Variants in ADAMTSL1 observed in about 807,000 individuals in gnomAD.
The protein encoded by ADAMTSL1 is ADAMTS-like protein 1.
ADAMTSL1 carries 126 observed loss-of-function variants against 201.8 expected under a neutral mutation model. That is an observed-to-expected ratio of 0.62 (90% confidence interval 0.54 to 0.72). The LOEUF (loss-of-function observed/expected upper bound fraction) is 0.72, where lower values mean the gene tolerates loss of function less well. ADAMTSL1 is among the 30% of genes least tolerant of loss of function. The pLI is 0.00. For missense variants in ADAMTSL1, 2,679 were observed against 2,277.8 expected, an observed-to-expected ratio of 1.18 and a Z score of -3.59; for synonymous variants, 1,121 against 903.4, an observed-to-expected ratio of 1.24 and a Z score of -4.32.
intron 2 of ADAMTSL1, among the ~76,000 whole-genome samples, chr9:18,435,732 A>G (rs866424842): frequency 6.0e-4 from 91 of 152,334 alleles, no homozygotes; most frequent in African/African-American, 2.1e-3. Context: ...ATCATGGCGG[A>G]TGGCAAGGAG....
At chr9:18,486,593 T>C (rs929324484) in intron 1 of ADAMTSL1, among the ~76,000 whole-genome samples, 3 of 152,104 alleles carry the variant, frequency 2.0e-5, no homozygotes, top group African/African-American at 7.2e-5. Context: ...TAGTCCTAGC[T>C]ACTCAGGAGG....
intron 4 of ADAMTSL1, among the ~76,000 whole-genome samples, chr9:18,593,904 T>A (rs1824086641): frequency 6.6e-6 from 1 of 152,172 alleles, no homozygotes; most frequent in Non-Finnish European, 1.5e-5. Context: ...TGAAATGTTC[T>A]ATAAATATCT....
chr9:18,353,464 G>A (rs993499638), intron 2 of ADAMTSL1, among the ~76,000 whole-genome samples: 1 of 152,158 alleles, frequency 6.6e-6, no homozygotes, highest in East Asian at 1.9e-4. Flanking sequence ...TATTTATGGA[G>A]GCTAAAAGGA....
intron 3 of ADAMTSL1, among the ~76,000 whole-genome samples, chr9:18,560,463 A>T (rs13295553): frequency 0.25 from 37,894 of 152,002 alleles, 5,465 homozygotes; most frequent in Admixed American, 0.35. Context: ...ATTGGCCTGA[A>T]ATTTTCTTTT....
At chr9:18,252,715 A>G (rs1587401220) in intron 2 of ADAMTSL1, among the ~76,000 whole-genome samples, 1 of 152,170 alleles carries the variant, frequency 6.6e-6, no homozygotes, top group African/African-American at 2.4e-5. Flanking sequence ...AAAGCCCATC[A>G]TACTAGCAAA....
At chr9:18,317,475 G>A (rs1261542308) in intron 2 of ADAMTSL1, among the ~76,000 whole-genome samples, 2 of 152,016 alleles carry the variant, frequency 1.3e-5, no homozygotes, top group Non-Finnish European at 2.9e-5. Flanking sequence ...TAGCTAATTT[G>A]ATTGTGATAA....
chr9:17,972,313 C>A (rs1171229782), intron 1 of ADAMTSL1, among the ~76,000 whole-genome samples: 1 of 88,544 alleles, frequency 1.1e-5, no homozygotes, highest in Non-Finnish European at 2.4e-5. Flanking sequence ...TCCCTCCCCC[C>A]TCCCCCCAAG....
chr9:18,429,944 G>A (rs1563955846), intron 2 of ADAMTSL1, among the ~76,000 whole-genome samples: 1 of 151,486 alleles, frequency 6.6e-6, no homozygotes, highest in African/African-American at 2.4e-5. Flanking sequence ...CACGTGCCAC[G>A]ACACCCAGCT....
intron 1 of ADAMTSL1, among the ~76,000 whole-genome samples, chr9:18,108,765 G>T (rs1824872167): frequency 1.3e-5 from 2 of 152,128 alleles, no homozygotes; most frequent in Non-Finnish European, 1.5e-5. Context: ...TTTGATGAGA[G>T]AATTAGCTCT....
chr9:18,607,346 A>G (rs1373943520), intron 4 of ADAMTSL1, among the ~76,000 whole-genome samples: 1 of 152,200 alleles, frequency 6.6e-6, no homozygotes, highest in East Asian at 1.9e-4. Context: ...TGAAAACCAT[A>G]AAATTCGTGG....
intron 2 of ADAMTSL1, among the ~76,000 whole-genome samples, chr9:18,289,474 T>C (rs1833164255): frequency 6.6e-6 from 1 of 152,214 alleles, no homozygotes; most frequent in Non-Finnish European, 1.5e-5. Context: ...GATAATGCAA[T>C]GATACAGAGT....
chr9:17,924,552 T>G (rs1298334370), intron 1 of ADAMTSL1, among the ~76,000 whole-genome samples: 3 of 150,644 alleles, frequency 2.0e-5, no homozygotes, highest in African/African-American at 7.3e-5. Context: ...TAACGCCGCA[T>G]ACCTACAACT....
intron 24 of ADAMTSL1, among the ~76,000 whole-genome samples, chr9:18,888,696 T>G (rs1269371599): frequency 6.6e-6 from 1 of 152,160 alleles, no homozygotes. Context: ...GTGTTTTCCA[T>G]AGGCTTGTTC....
rs906882790 is a variant in ADAMTSL1, at chr9:18,181,240, T to C, written c.207+17259T>C. 5.3e-5 allele frequency among the ~76,000 whole-genome samples: 8 copies of C among 151,968 alleles called. No individual in the cohort carries two copies. In the East Asian group the frequency reaches 5.8e-4, roughly 11 times the overall value. On this transcript the variant is annotated intron_variant, in intron 2 of 29. Transcript: ENST00000680146. ...CATAGGCATGGGCAAGGACTTCATG[T>C]CTAAAACACCAAAAGCAATGGCAAC...
intron 1 of ADAMTSL1, among the ~76,000 whole-genome samples, chr9:18,068,546 C>A (rs1563980678): frequency 6.6e-6 from 1 of 151,996 alleles, no homozygotes; most frequent in Non-Finnish European, 1.5e-5. Context: ...TACCAATGAA[C>A]AAATGCACCT....
chr9:18,031,640 C>G (rs1266255150), intron 1 of ADAMTSL1, among the ~76,000 whole-genome samples: 1 of 152,160 alleles, frequency 6.6e-6, no homozygotes, highest in African/African-American at 2.4e-5. Flanking sequence ...GATACCTGCC[C>G]CCACCCACCC....
rs186568879 is a variant in ADAMTSL1 at position 18,351,785 on chromosome 9, T to C, written c.208-153044T>C. Among the ~76,000 whole-genome samples, 4 of 152,328 alleles carry C rather than the reference T, an allele frequency of 2.6e-5. No individual in the cohort carries two copies. In the East Asian group the frequency reaches 7.7e-4, roughly 29 times the overall value. On this transcript the variant is annotated intron_variant, in intron 2 of 29. Transcript: ENST00000680146. The stretch of plus-strand genomic sequence containing the variant: ...CCTTTAAAAATACATGTGCTGGTCT[T>C]CCTGAAACCACATTCTTTGAAGCAA...
chr9:18,838,360 T>TACACACACACACAC (rs775337751), intron 23 of ADAMTSL1, among the ~76,000 whole-genome samples: 43 of 86,760 alleles, frequency 5.0e-4, no homozygotes, highest in African/African-American at 2.5e-3. Flanking sequence ...CAAACCATAT[T>TACACACACACACAC]ACACACACAC....
At chr9:18,879,998 T>A (rs1465050861) in intron 23 of ADAMTSL1, among the ~76,000 whole-genome samples, 2 of 152,210 alleles carry the variant, frequency 1.3e-5, no homozygotes, top group African/African-American at 4.8e-5. Flanking sequence ...GTAGATTCCA[T>A]CTCAAGAAAC....
Sources: allele counts gnomAD v4.1 joint callset (sites outside exome capture counted in the v4.1 genomes callset), GRCh38; gene constraint gnomAD v4.1.1; transcripts MANE v1.5; gene names NCBI Gene and HGNC (gene_info 2026-07-23, HGNC 2026-07-21).